The following JAZF1 variants were observed in gnomAD, a reference collection of about 807,000 sequenced individuals.
JAZF1 encodes the protein juxtaposed with another zinc finger protein 1.
In JAZF1, 8 loss-of-function variants were observed where a neutral mutation model predicts 26.4. That is an observed-to-expected ratio of 0.30 (90% CI 0.18 to 0.55). JAZF1 has a LOEUF of 0.55. JAZF1 is among the 20% of genes least tolerant of loss of function. JAZF1 has a pLI of 0.94. For missense variants in JAZF1, 199 were observed against 322.0 expected, an observed-to-expected ratio of 0.62 and a Z score of 2.92; for synonymous variants, 126 against 122.3, an observed-to-expected ratio of 1.03 and a Z score of -0.20.
At position 28,017,441 on chromosome 7, in the gene JAZF1, T is replaced by C. The variant is rs538513818; in HGVS notation, c.116-25460A>G. Among the ~76,000 whole-genome samples, 78 of 152,288 alleles carry C rather than the reference T, an allele frequency of 5.1e-4. 1 individual carries two copies. Among genetic ancestry groups the C allele is most frequent in the African/African-American group, 1.8e-3 (74 of 41,564 alleles). On this transcript the variant is annotated intron_variant, in intron 1 of 4. Transcript: ENST00000283928. ...CTCTATGTTCTCAAACAATAAGGGC[T>C]GTTTTCGGCTTCTTCCAGCATAGGA...
chr7:28,034,747 T>C (rs1783255946), intron 1 of JAZF1, among the ~76,000 whole-genome samples: 1 of 152,142 alleles, frequency 6.6e-6, no homozygotes, highest in Non-Finnish European at 1.5e-5. Flanking sequence ...ATAATCCTTC[T>C]AGAAAGTACA....
At chr7:27,833,550 C>T (rs1388062802) in intron 4 of JAZF1, among the ~76,000 whole-genome samples, 1 of 152,158 alleles carries the variant, frequency 6.6e-6, no homozygotes, top group Non-Finnish European at 1.5e-5. Flanking sequence ...ACTGTGGGAG[C>T]TACTTGTTGC....
chr7:28,171,776 T>C (rs901599951), intron 1 of JAZF1, among the ~76,000 whole-genome samples: 3 of 152,152 alleles, frequency 2.0e-5, no homozygotes, highest in Non-Finnish European at 4.4e-5. Flanking sequence ...ACTTACAGGA[T>C]GGGGGTAATG....
At chr7:28,132,395 C>T (rs2189965) in intron 1 of JAZF1, among the ~76,000 whole-genome samples, 55,782 of 151,972 alleles carry the variant, frequency 0.37, 13,315 homozygotes, top group East Asian at 0.97. Context: ...CTTAAAGACT[C>T]GTGGGAACAA....
intron 1 of JAZF1, among the ~76,000 whole-genome samples, chr7:28,074,364 A>C (rs1784021410): frequency 6.6e-6 from 1 of 152,232 alleles, no homozygotes; most frequent in Admixed American, 6.5e-5. Flanking sequence ...AATATTATGC[A>C]CAACACCTTA....
At chr7:28,076,484 C>A (rs1784053199) in intron 1 of JAZF1, among the ~76,000 whole-genome samples, 1 of 152,112 alleles carries the variant, frequency 6.6e-6, no homozygotes, top group African/African-American at 2.4e-5. Flanking sequence ...TCAACTCCTC[C>A]CATGACTGGC....
intron 1 of JAZF1, among the ~76,000 whole-genome samples, chr7:28,047,850 C>A (rs1054098336): frequency 2.0e-5 from 3 of 152,194 alleles, no homozygotes; most frequent in Admixed American, 2.0e-4. Flanking sequence ...TTTTGCTGTA[C>A]TTGGTTTACA....
At chr7:28,036,365 T>C (rs1314141271) in intron 1 of JAZF1, among the ~76,000 whole-genome samples, 1 of 152,214 alleles carries the variant, frequency 6.6e-6, no homozygotes. Flanking sequence ...TTTTCTTATG[T>C]TTTGTACAGT....
intron 2 of JAZF1, among the ~76,000 whole-genome samples, chr7:27,976,188 CA>C (rs1407175494): frequency 6.6e-6 from 1 of 151,280 alleles, no homozygotes; most frequent in Non-Finnish European, 1.5e-5. Context: ...ACTAAAAATA[CA>C]AAAAAAATTA....
At chr7:27,924,322 C>T (rs1469196615) in intron 2 of JAZF1, among the ~76,000 whole-genome samples, 3 of 152,130 alleles carry the variant, frequency 2.0e-5, no homozygotes, top group African/African-American at 7.2e-5. Context: ...ATGATCCACC[C>T]GCCTCGGCCT....
intron 3 of JAZF1, among the ~76,000 whole-genome samples, chr7:27,886,425 A>G (rs572807158): frequency 6.6e-6 from 1 of 152,334 alleles, no homozygotes; most frequent in South Asian, 2.1e-4. Context: ...CTAACCTGAC[A>G]CATTCCATAA....
rs541948798 is a variant in JAZF1 at position 27,862,978 on chromosome 7, G to A, written c.386-22111C>T. Reference sequence around the variant, plus strand: ...GGACAGCACTGAGACCAAAATCTAGGTGCTGCTTGTGGGGCCCGATGGTCC... The same window carrying A: ...GGACAGCACTGAGACCAAAATCTAGATGCTGCTTGTGGGGCCCGATGGTCC... On this transcript the variant is annotated intron_variant, in intron 3 of 4. Coordinates refer to ENST00000283928, the MANE Select transcript of JAZF1 (RefSeq NM_175061.4). Among the ~76,000 whole-genome samples, 5 of 152,244 alleles carry A rather than the reference G, an allele frequency of 3.3e-5. No homozygotes were observed. The South Asian group carries it at 1.0e-3, about 32-fold the overall frequency.
At chr7:28,166,449 G>C (rs1783368737) in intron 1 of JAZF1, among the ~76,000 whole-genome samples, 1 of 152,150 alleles carries the variant, frequency 6.6e-6, no homozygotes, top group African/African-American at 2.4e-5. Flanking sequence ...GGCATTTTGT[G>C]AGTCCTAGAG....
intron 2 of JAZF1, among the ~76,000 whole-genome samples, chr7:27,982,474 C>T (rs149011405): frequency 0.033 from 4,964 of 152,284 alleles, 107 homozygotes; most frequent in Non-Finnish European, 0.05. Flanking sequence ...CGGTGGAGGC[C>T]ACCACAGCTC....
At chr7:27,836,806 A>G (rs933522025) in intron 4 of JAZF1, among the ~76,000 whole-genome samples, 1 of 152,220 alleles carries the variant, frequency 6.6e-6, no homozygotes, top group Non-Finnish European at 1.5e-5. Context: ...TCTTCAGGAA[A>G]AAAAGAATTG....
chr7:28,016,955 T>C (rs144179464), intron 1 of JAZF1, among the ~76,000 whole-genome samples: 318 of 152,334 alleles, frequency 2.1e-3, no homozygotes, highest in Non-Finnish European at 3.7e-3. Context: ...TACATTGTTA[T>C]GTGTACTATG....
intron 1 of JAZF1, among the ~76,000 whole-genome samples, chr7:28,050,516 T>C (rs1783594713): frequency 6.6e-6 from 1 of 152,330 alleles, no homozygotes; most frequent in South Asian, 2.1e-4. Flanking sequence ...ACAACAGTTA[T>C]AAAGAATAGT....
chr7:28,112,708 G>T (rs1053788035), intron 1 of JAZF1, among the ~76,000 whole-genome samples: 10 of 152,142 alleles, frequency 6.6e-5, no homozygotes, highest in African/African-American at 2.2e-4. Flanking sequence ...AATGAATGGT[G>T]GGCCCGCCCA....
At chr7:27,921,507 A>C (rs1173643101) in intron 2 of JAZF1, among the ~76,000 whole-genome samples, 1 of 152,214 alleles carries the variant, frequency 6.6e-6, no homozygotes, top group Non-Finnish European at 1.5e-5. Flanking sequence ...GATCTCATTA[A>C]GAAATATGTT....
Sources: gnomAD v4.1 joint callset for allele counts (sites outside exome capture counted in the v4.1 genomes callset) on GRCh38, gnomAD v4.1.1 for gene constraint, MANE v1.5 for transcripts, NCBI Gene and HGNC (gene_info 2026-07-23, HGNC 2026-07-21) for gene names.